The following AKAP10 variants were observed in gnomAD, a reference collection of about 807,000 sequenced individuals.
The protein encoded by AKAP10 is A-kinase anchor protein 10, mitochondrial.
AKAP10 carries 24 observed loss-of-function variants against 80.8 expected under a neutral mutation model. That is an observed-to-expected ratio of 0.30 (90% CI 0.22 to 0.42). AKAP10 has a LOEUF of 0.42. AKAP10 is among the 10% of genes least tolerant of loss of function. The probability of loss-of-function intolerance (pLI) is 1.00; values close to 1 mark genes in which losing one functional copy is unlikely to be tolerated. For missense variants in AKAP10, 661 were observed against 794.9 expected, an observed-to-expected ratio of 0.83 and a Z score of 2.03; for synonymous variants, 291 against 277.7, an observed-to-expected ratio of 1.05 and a Z score of -0.48.
chr17:19,952,208 A>G (rs1462321752), intron 4 of AKAP10, among the ~76,000 whole-genome samples: 1 of 152,090 alleles, frequency 6.6e-6, no homozygotes, highest in Non-Finnish European at 1.5e-5. Context: ...TCACGCCTGT[A>G]ATCCCAGCAC....
chr17:19,955,955 A>G (rs1483130182), intron 4 of AKAP10, among the ~76,000 whole-genome samples: 1 of 152,242 alleles, frequency 6.6e-6, no homozygotes, highest in Non-Finnish European at 1.5e-5. Context: ...GTGTTAAACT[A>G]AGGAAAATAG....
chr17:19,960,374 C>G (rs1172758326), intron 3 of AKAP10, among the ~76,000 whole-genome samples: 3 of 152,212 alleles, frequency 2.0e-5, no homozygotes, highest in Non-Finnish European at 4.4e-5. Context: ...CTGTCTCTAA[C>G]ATCTGGCAAA....
At chr17:19,927,682 A>G (rs1391305478) in intron 10 of AKAP10, among the ~76,000 whole-genome samples, 1 of 152,150 alleles carries the variant, frequency 6.6e-6, no homozygotes, top group Admixed American at 6.5e-5. Context: ...AGGCCAAGGC[A>G]GGTGGATCAC....
chr17:19,975,613 T>TAC (rs1485096975), intron 1 of AKAP10, among the ~76,000 whole-genome samples: 6 of 152,294 alleles, frequency 3.9e-5, no homozygotes, highest in African/African-American at 7.2e-5. Context: ...TATACACCTA[T>TAC]ACACACACAC....
At chr17:19,970,288 T>A (rs1028092545) in intron 1 of AKAP10, among the ~76,000 whole-genome samples, 3 of 152,162 alleles carry the variant, frequency 2.0e-5, no homozygotes, top group African/African-American at 7.2e-5. Context: ...ATACAAACTA[T>A]GACCAACTGA....
chr17:19,964,400 A>G (rs1171822670), intron 2 of AKAP10, among the ~76,000 whole-genome samples: 2 of 152,190 alleles, frequency 1.3e-5, no homozygotes. Context: ...CATTGCTCTC[A>G]TTCTTTTAAT....
intron 2 of AKAP10, 74 bp from the exon 3 acceptor site, chr17:19,963,096 G>C: frequency 7.8e-7 from 1 of 1,282,404 alleles, no homozygotes; most frequent in Non-Finnish European, 1.0e-6. Context: ...GGGGCTTTCA[G>C]AGAACTTTAA....
rs115720361 is a variant in AKAP10, at chr17:19,910,399, T to C, written c.1835-421A>G. Among the ~76,000 whole-genome samples, 892 of 151,328 alleles carry C rather than the reference T, an allele frequency of 5.9e-3. 10 individuals carry two copies. The highest frequency in any genetic ancestry group is 0.021 in the African/African-American group (853 of 41,136). ...ATTTAAAAGCTGTTGCTTCCAGATA[T>C]GGATATTCTTTTTTGTGTGATACCC... On this transcript the variant is annotated intron_variant, in intron 12 of 14. Coordinates refer to ENST00000225737, the MANE Select transcript of AKAP10 (RefSeq NM_007202.4).
In AKAP10 at chr17:19,970,152, A is replaced by G. The variant is rs76958938; in HGVS notation, c.89-1691T>C. ...CCACTTGTCTAAAAGGGAACATGTCATCTTCTCCCAAACCTGTTCCTACCT... is the reference window on the plus strand; with the variant it reads ...CCACTTGTCTAAAAGGGAACATGTCGTCTTCTCCCAAACCTGTTCCTACCT... On this transcript the variant is annotated intron_variant, in intron 1 of 14. Coordinates refer to ENST00000225737, the MANE Select transcript of AKAP10 (RefSeq NM_007202.4). Among the ~76,000 whole-genome samples, 433 of 152,282 alleles carry G rather than the reference A, an allele frequency of 2.8e-3. 15 individuals carry two copies. In the East Asian group the frequency reaches 0.074, roughly 26 times the overall value.
intron 11 of AKAP10, among the ~76,000 whole-genome samples, chr17:19,922,196 G>A (rs1056459205): frequency 8.6e-5 from 13 of 152,024 alleles, no homozygotes; most frequent in African/African-American, 1.7e-4. Context: ...ATCACTTGAC[G>A]TCAAGAATAA....
At chr17:19,921,882 G>GAAT (rs2042821720) in intron 11 of AKAP10, among the ~76,000 whole-genome samples, 1 of 152,088 alleles carries the variant, frequency 6.6e-6, no homozygotes, top group South Asian at 2.1e-4. Flanking sequence ...ATTACATACG[G>GAAT]AATACTACAG....
At chr17:19,951,266 C>T (rs203472) in intron 4 of AKAP10, among the ~76,000 whole-genome samples, 29,736 of 145,354 alleles carry the variant, frequency 0.2, 3,245 homozygotes, top group Middle Eastern at 0.27. Flanking sequence ...CCGCCCCATC[C>T]GGGAGGGAGG....
intron 3 of AKAP10, among the ~76,000 whole-genome samples, chr17:19,961,491 A>G (rs1197868675): frequency 6.6e-6 from 1 of 152,212 alleles, no homozygotes; most frequent in East Asian, 1.9e-4. Context: ...TTTGTCTGCT[A>G]TGTATTATTG....
chr17:19,969,482 A>G (rs1430220378), intron 1 of AKAP10, among the ~76,000 whole-genome samples: 1 of 152,146 alleles, frequency 6.6e-6, no homozygotes, highest in Non-Finnish European at 1.5e-5. Flanking sequence ...AGCTTAAGCC[A>G]AGTGTGAATT....
intron 8 of AKAP10, among the ~76,000 whole-genome samples, chr17:19,937,162 T>C (rs2043001169): frequency 6.6e-6 from 1 of 151,282 alleles, no homozygotes; most frequent in African/African-American, 2.4e-5. Flanking sequence ...CTGACAGAAA[T>C]ACAAAGGTTG....
intron 4 of AKAP10, 117 bp from the exon 5 acceptor site, chr17:19,947,622 C>T: frequency 1.3e-6 from 1 of 769,908 alleles, no homozygotes; most frequent in South Asian, 1.5e-5. Context: ...AAATAAACTT[C>T]CATCACAAAG....
intron 10 of AKAP10, among the ~76,000 whole-genome samples, chr17:19,925,336 G>C (rs2042864785): frequency 6.6e-6 from 1 of 151,936 alleles, no homozygotes; most frequent in Admixed American, 6.6e-5. Context: ...ATGTTTACAG[G>C]GTAAATAGGA....
intron 1 of AKAP10, among the ~76,000 whole-genome samples, chr17:19,972,059 T>TCATGCCACTG (rs1399939326): frequency 6.6e-6 from 1 of 152,220 alleles, no homozygotes; most frequent in Non-Finnish European, 1.5e-5. Context: ...TGAGCCGAGA[T>TCATGCCACTG]CATGCCACTG....
At chr17:19,923,694 T>C (rs565897324) in intron 11 of AKAP10, among the ~76,000 whole-genome samples, 22 of 151,838 alleles carry the variant, frequency 1.4e-4, no homozygotes, top group Non-Finnish European at 2.9e-4. Context: ...GCCCGGCTAA[T>C]TTTTTGTATT....
Sources: gnomAD v4.1 joint callset for allele counts (sites outside exome capture counted in the v4.1 genomes callset) on GRCh38, gnomAD v4.1.1 for gene constraint, MANE v1.5 for transcripts, NCBI Gene and HGNC (gene_info 2026-07-23, HGNC 2026-07-21) for gene names.